TMEM132D: variants seen among roughly 807,000 people sequenced by gnomAD.
The protein encoded by TMEM132D is transmembrane protein 132D.
TMEM132D carries 21 observed loss-of-function variants against 62.3 expected under a neutral mutation model. The ratio of observed to expected loss-of-function variants is 0.34; its 90% confidence interval spans 0.24 to 0.49. The LOEUF is 0.49. TMEM132D is among the 20% of genes least tolerant of loss of function. The pLI, the probability that TMEM132D is intolerant of heterozygous loss-of-function variation, is 0.99. For missense variants in TMEM132D, 1,346 were observed against 1,402.8 expected, an observed-to-expected ratio of 0.96 and a Z score of 0.65; for synonymous variants, 621 against 575.6, an observed-to-expected ratio of 1.08 and a Z score of -1.13.
At chr12:129,480,594 A>G (rs1383451097) in intron 3 of TMEM132D, among the ~76,000 whole-genome samples, 1 of 152,192 alleles carries the variant, frequency 6.6e-6, no homozygotes, top group Non-Finnish European at 1.5e-5. Flanking sequence ...TCTCTAGCAT[A>G]TGACCATCTG....
At chr12:129,260,535 G>GT (rs1248158044) in intron 4 of TMEM132D, among the ~76,000 whole-genome samples, 2 of 152,142 alleles carry the variant, frequency 1.3e-5, no homozygotes, top group South Asian at 2.1e-4. Flanking sequence ...AATTTCAACA[G>GT]TTTTTTAGGG....
chr12:129,734,292 C>T (rs1033414730), intron 1 of TMEM132D, among the ~76,000 whole-genome samples: 1 of 152,148 alleles, frequency 6.6e-6, no homozygotes, highest in Non-Finnish European at 1.5e-5. Context: ...CCAAAAGAAC[C>T]TTTTCCCTAT....
intron 1 of TMEM132D, among the ~76,000 whole-genome samples, chr12:129,720,800 TATCAATA>T (rs1054899695): frequency 2.6e-5 from 4 of 152,236 alleles, no homozygotes. Context: ...ATAATCAACG[TATCAATA>T]ATCAATAATC....
chr12:129,677,350 C>G (rs1203211048), intron 2 of TMEM132D, among the ~76,000 whole-genome samples: 7 of 152,222 alleles, frequency 4.6e-5, no homozygotes, highest in African/African-American at 1.7e-4. Flanking sequence ...ACTTGCTCCT[C>G]CTTGCCTTTG....
intron 3 of TMEM132D, among the ~76,000 whole-genome samples, chr12:129,359,945 A>G (rs998500950): frequency 3.9e-5 from 6 of 152,188 alleles, no homozygotes; most frequent in African/African-American, 1.4e-4. Flanking sequence ...CTTAATTTAA[A>G]CAGGAAAAAA....
At chr12:129,517,790 C>A (rs1875726568) in intron 3 of TMEM132D, among the ~76,000 whole-genome samples, 1 of 152,140 alleles carries the variant, frequency 6.6e-6, no homozygotes, top group African/African-American at 2.4e-5. Context: ...AGGTAGTTTT[C>A]TATGTGGCAG....
intron 3 of TMEM132D, among the ~76,000 whole-genome samples, chr12:129,501,354 C>T (rs945934317): frequency 6.6e-6 from 1 of 151,912 alleles, no homozygotes; most frequent in Non-Finnish European, 1.5e-5. Flanking sequence ...GGGAACCACC[C>T]TGCAATTTCT....
chr12:129,751,900 C>A (rs550270420), intron 1 of TMEM132D, among the ~76,000 whole-genome samples: 5 of 152,302 alleles, frequency 3.3e-5, no homozygotes, highest in Non-Finnish European at 7.4e-5. Context: ...GCACTATCCT[C>A]CCTTAATACT....
chr12:129,640,117 C>A (rs145581014), intron 2 of TMEM132D, among the ~76,000 whole-genome samples: 13 of 152,208 alleles, frequency 8.5e-5, no homozygotes, highest in African/African-American at 2.9e-4. Flanking sequence ...ATGGTACAGC[C>A]TTTAAGGTCA....
intron 2 of TMEM132D, among the ~76,000 whole-genome samples, chr12:129,619,851 C>A (rs995571387): frequency 9.2e-5 from 14 of 152,182 alleles, no homozygotes; most frequent in African/African-American, 3.4e-4. Flanking sequence ...TTTAAAAGGA[C>A]ATTTCATTTT....
At chr12:129,459,735 A>C (rs1033296195) in intron 3 of TMEM132D, among the ~76,000 whole-genome samples, 2 of 152,140 alleles carry the variant, frequency 1.3e-5, no homozygotes, top group African/African-American at 2.4e-5. Context: ...CATATTTTTT[A>C]CTCACTTTTA....
At chr12:129,879,282 G>T in intron 1 of TMEM132D, among the ~76,000 whole-genome samples, 1 of 152,156 alleles carries the variant, frequency 6.6e-6, no homozygotes, top group East Asian at 1.9e-4. Flanking sequence ...AAAACAGACT[G>T]GGGTCCCACC....
At chr12:129,685,188 C>A (rs1349539775) in intron 2 of TMEM132D, among the ~76,000 whole-genome samples, 3 of 152,174 alleles carry the variant, frequency 2.0e-5, no homozygotes, top group African/African-American at 7.2e-5. Context: ...ATGTTAATCA[C>A]CAAGACAATG....
At chr12:129,331,262 C>A (rs1167909140) in intron 4 of TMEM132D, among the ~76,000 whole-genome samples, 1 of 152,214 alleles carries the variant, frequency 6.6e-6, no homozygotes, top group Non-Finnish European at 1.5e-5. Context: ...TGTTTAAGAG[C>A]TCTGCGGTCT....
At position 129,700,418 on chromosome 12, in the gene TMEM132D, G is replaced by A. The variant is rs2137227191; in HGVS notation, c.360C>T (p.Thr120=). 6.2e-7 allele frequency: 1 copy of A among 1,614,148 alleles called. No individual in the cohort carries two copies. The highest frequency in any genetic ancestry group is 8.5e-7 in the Non-Finnish European group (1 of 1,180,038). ...LMLPSNPFGF[T]NKFSLNWKLK... ...GTTTCCAGTTAAGAGAAAATTTGTT[G>A]GTGAATCCAAATGGGTTGGAAGGTA... Residue 120 remains threonine, a synonymous_variant, in exon 2 of 9, where the codon ACC becomes ACT. Transcript: ENST00000422113.
chr12:129,144,572 T>C (rs1876835605), intron 5 of TMEM132D, among the ~76,000 whole-genome samples: 1 of 152,162 alleles, frequency 6.6e-6, no homozygotes, highest in Non-Finnish European at 1.5e-5. Context: ...CCTGGGACCA[T>C]CCAGCCCTAG....
chr12:129,121,615 C>T (rs1351389186), intron 5 of TMEM132D, among the ~76,000 whole-genome samples: 1 of 152,138 alleles, frequency 6.6e-6, no homozygotes, highest in African/African-American at 2.4e-5. Flanking sequence ...CAGAGGGACT[C>T]TTGAAATTCA....
chr12:129,212,938 A>T (rs1375252392), intron 4 of TMEM132D, among the ~76,000 whole-genome samples: 1 of 152,222 alleles, frequency 6.6e-6, no homozygotes, highest in African/African-American at 2.4e-5. Flanking sequence ...TTGCTAGAGA[A>T]ATAATGACCC....
chr12:129,110,043 G>C (rs781748633), intron 5 of TMEM132D: 3 of 152,344 alleles, frequency 2.0e-5, no homozygotes, highest in Non-Finnish European at 4.4e-5. Flanking sequence ...AGCATTTCCT[G>C]CTTGGCTGCC....
Sources: gnomAD v4.1 joint callset for allele counts (sites outside exome capture counted in the v4.1 genomes callset) on GRCh38, gnomAD v4.1.1 for gene constraint, MANE v1.5 for transcripts, NCBI Gene and HGNC (gene_info 2026-07-23, HGNC 2026-07-21) for gene names.